Variants in PAPLN observed in about 807,000 individuals in gnomAD.
PAPLN encodes the protein papilin, proteoglycan like sulfated glycoprotein, also known as papilin.
PAPLN carries 146 observed loss-of-function variants against 159.0 expected under a neutral mutation model. The observed-to-expected ratio is 0.92, with a 90% CI of 0.80 to 1.05. PAPLN has a LOEUF of 1.05. Among genes scored for constraint, PAPLN ranks in the 50% least tolerant of loss-of-function variants. The pLI is 0.00. For missense variants in PAPLN, 1,720 were observed against 1,743.9 expected, an observed-to-expected ratio of 0.99 and a Z score of 0.24; for synonymous variants, 734 against 702.9, an observed-to-expected ratio of 1.04 and a Z score of -0.70.
Position 73,264,624 on chromosome 14 carries a change from G to C in PAPLN, c.3023G>C (p.Ser1008Thr). The C allele has an allele frequency of 6.2e-7, 1 of 1,603,786 alleles. No homozygotes were observed. The highest frequency in any genetic ancestry group is 8.5e-7 in the Non-Finnish European group (1 of 1,177,460). ...DMAVLSEAEL[S>T]RFPQPRDPAQ... is the part of the protein sequence containing the mutation. The stretch of plus-strand genomic sequence containing the variant: ...GCCGTGCTGTCTGAGGCTGAGCTGA[G>C]CCGCTTCCCTCAGCCCAGGGACCCA... The change falls in exon 22 of 27, where the codon AGC (serine) becomes ACC (threonine). Residue 1008 changes from serine (S) to threonine (T), a missense_variant. Physicochemically the swap from Ser to Thr is moderately conservative, Grantham distance 58. Transcript: ENST00000644200.
At chr14:73,267,995 G>T (rs1033489390) in intron 25 of PAPLN, among the ~76,000 whole-genome samples, 1 of 152,050 alleles carries the variant, frequency 6.6e-6, no homozygotes, top group Middle Eastern at 3.4e-3. Flanking sequence ...CCTGTTCCAG[G>T]ACACTGTCCT....
Position 73,239,786 on chromosome 14 carries a change from T to C in PAPLN, c.8T>C (p.Leu3Pro), listed in dbSNP as rs1442344704. The C allele has an allele frequency of 1.3e-6, 2 of 1,593,600 alleles. No homozygotes were observed. The highest frequency in any genetic ancestry group is 2.7e-5 in the African/African-American group (2 of 74,728). MR[L>P]LLLVPLLLAP... is the part of the protein sequence containing the mutation. ...CGTCTCCCGCAGGCTGAGATGCGGC[T>C]GCTCCTGCTCGTGCCGCTGCTGCTG... Residue 3 changes from leucine to proline, a missense_variant, in exon 2 of 27, where the codon CTG becomes CCG. Leu to Pro is a moderately conservative substitution (Grantham distance 98, BLOSUM62 -3). Transcript: ENST00000644200.
chr14:73,271,846 A>C (rs1887759862), intron 26 of PAPLN, among the ~76,000 whole-genome samples: 1 of 144,214 alleles, frequency 6.9e-6, no homozygotes, highest in African/African-American at 2.6e-5. Context: ...TTCCTAGTAA[A>C]TTCAGAGGGA....
rs1456849860 is a variant in PAPLN, at chr14:73,252,783, C to G, written c.1094+8C>G. 6.2e-7 allele frequency: 1 copy of G among 1,613,020 alleles called. No individual in the cohort carries two copies. The highest frequency in any genetic ancestry group is 8.5e-7 in the Non-Finnish European group (1 of 1,179,886). On this transcript the variant is annotated splice_region_variant and intron_variant, in intron 11 of 26. Coordinates refer to ENST00000644200, the MANE Select transcript of PAPLN (RefSeq NM_001365906.3). ...TTGCCCGGAGACCAAGCGGTGAGAC[C>G]TTGCCAGCCCCTCTACCCATGATGA...
At chr14:73,248,855 G>A (rs1337041800) in intron 5 of PAPLN, among the ~76,000 whole-genome samples, 1 of 152,054 alleles carries the variant, frequency 6.6e-6, no homozygotes, top group Non-Finnish European at 1.5e-5. Context: ...ACCAGGCCAG[G>A]TACAGTGGCT....
intron 7 of PAPLN, 138 bp from the exon 8 acceptor site, chr14:73,251,348 C>T (rs934753649): frequency 2.9e-6 from 3 of 1,020,306 alleles, no homozygotes; most frequent in South Asian, 1.6e-5. Context: ...GGTTGCCTTT[C>T]CCAGCAGCTC....
At chr14:73,268,763 C>T in intron 26 of PAPLN, 40 bp downstream of exon 26, 1 of 1,546,946 alleles carries the variant, frequency 6.5e-7, no homozygotes, top group Non-Finnish European at 8.7e-7. Context: ...AGGACATTCC[C>T]CAGTAGATTT....
rs553190273 is a variant in PAPLN, at chr14:73,237,532, G to C, written c.-67G>C. 6.6e-6 allele frequency: 1 copy of C among 152,332 alleles called. No individual in the cohort carries two copies. The highest frequency in any genetic ancestry group is 1.5e-5 in the Non-Finnish European group (1 of 68,128). The allele number at this position is 152,332 out of a possible 1,614,324, so 9.4% of individuals were successfully genotyped here. A position where few individuals can be genotyped will look rare whatever the true frequency, so the allele number is the denominator to read the frequency against. ...CGGCCCGGCCGACCTCGCGGGCTTG[G>C]GCCTGGGCGGGCACCGACGGAGCGG... On this transcript the variant is annotated 5_prime_UTR_variant, in exon 1 of 27. Transcript: ENST00000644200.
At position 73,264,784 on chromosome 14, in the gene PAPLN, C is replaced by T; in HGVS notation, c.3125+58C>T. ...CCACGCCAGGGCCAGGGCCGGGGGT[C>T]TCAGTGGATAAGGAGGGGAACGTCT... On this transcript the variant is annotated intron_variant, in intron 22 of 26. Transcript: ENST00000644200. 1.9e-6 allele frequency: 3 copies of T among 1,603,974 alleles called. No individual in the cohort carries two copies. The South Asian group carries it at 3.3e-5, about 18-fold the overall frequency.
rs139197783 is a variant in PAPLN at position 73,254,891 on chromosome 14, C to T, written c.1500C>T (p.Cys500=). ...VGTWGLCSKS[C]SSGTRRRQVI... ...GTGGGCCTCAGTGCTCCAAGAGCTG[C>T]AGCTCGGGCACTCGGAGGCGACAGG... The change falls in exon 14 of 27, where the codon TGC becomes TGT. Residue 500 remains cysteine (C), a synonymous_variant. Transcript: ENST00000644200. 91 of 1,612,054 alleles carry T rather than the reference C, an allele frequency of 5.6e-5. No homozygotes were observed. In the Admixed American group the frequency reaches 5.7e-4, roughly 10 times the overall value.
intron 19 of PAPLN, chr14:73,263,258 A>G (rs1886784992): frequency 2.8e-6 from 1 of 352,632 alleles, no homozygotes; most frequent in Non-Finnish European, 5.2e-6. Context: ...GGACTGGATC[A>G]TATTAATGAA....
At chr14:73,249,026 G>A (rs1346412375) in intron 5 of PAPLN, among the ~76,000 whole-genome samples, 1 of 152,044 alleles carries the variant, frequency 6.6e-6, no homozygotes, top group Non-Finnish European at 1.5e-5. Flanking sequence ...AACTATTCGA[G>A]AGACTGAGGC....
In PAPLN at chr14:73,245,834, G is replaced by A. The variant is rs1011979007; in HGVS notation, c.231+138G>A. 2.5e-6 allele frequency: 3 copies of A among 1,185,380 alleles called. No homozygotes were observed. The highest frequency in any genetic ancestry group is 3.5e-6 in the Non-Finnish European group (3 of 852,976). The allele number at this position is 1,185,380 out of a possible 1,614,324, so 73.4% of individuals were successfully genotyped here. A position where few individuals can be genotyped will look rare whatever the true frequency, so the allele number is the denominator to read the frequency against. Reference sequence around the variant, plus strand: ...GGTCCTCCCGCCAATCCACAGCAGGGCTGCGTGGGGGCCCCTTCCTCACCC... The same window carrying A: ...GGTCCTCCCGCCAATCCACAGCAGGACTGCGTGGGGGCCCCTTCCTCACCC... On this transcript the variant is annotated intron_variant, in intron 4 of 26. Transcript: ENST00000644200. This position sits in a 1 kb window ranked among gnomAD's most constrained non-coding sequence, Gnocchi z 4.2.
Position 73,262,769 on chromosome 14 carries a change from C to A in PAPLN, c.2665C>A (p.Pro889Thr). 4 of 1,508,674 alleles carry A rather than the reference C, an allele frequency of 2.7e-6. No individual in the cohort carries two copies. The South Asian group carries it at 4.2e-5, about 16-fold the overall frequency. The allele number at this position is 1,508,674 out of a possible 1,614,324, so 93.5% of individuals were successfully genotyped here. A position where few individuals can be genotyped will look rare whatever the true frequency, so the allele number is the denominator to read the frequency against. ...GGGGCAGGAGCTTGGGTCCAGGGCC[C>A]CTGGACTGGGTGGAGATGCCGGATC... ...PWGQELGSRA[P>T]GLGGDAGSPA... is the part of the protein sequence containing the mutation. Residue 889 changes from proline (P) to threonine (T), a missense_variant, in exon 19 of 27, where the codon CCT (proline) becomes ACT (threonine). Physicochemically the swap from Pro to Thr is conservative, Grantham distance 38. Transcript: ENST00000644200.
rs545240302 is a variant in PAPLN, at chr14:73,245,045, G to C, written c.170+286G>C. ...ATGGCAGGTGCAGTCAATTTTGCTG[G>C]AACTGGTAAATAATCTTCAACCGGC... On this transcript the variant is annotated intron_variant, in intron 3 of 26. Coordinates refer to ENST00000644200, the MANE Select transcript of PAPLN (RefSeq NM_001365906.3). The surrounding 1 kb of genome is among the most constrained non-coding windows in gnomAD (Gnocchi z 4.2). 5.0e-5 allele frequency: 15 copies of C among 301,576 alleles called. No homozygotes were observed. The South Asian group carries it at 9.5e-4, about 19-fold the overall frequency. 18.7% of individuals were successfully genotyped at this position (301,576 alleles called of 1,614,324 possible).
At chr14:73,256,308 A>C (rs1413123346) in intron 14 of PAPLN, among the ~76,000 whole-genome samples, 1 of 151,270 alleles carries the variant, frequency 6.6e-6, no homozygotes, top group African/African-American at 2.4e-5. Context: ...AGGTGGGAGG[A>C]CCACTTGAAA....
At position 73,272,582 on chromosome 14, in the gene PAPLN, T is replaced by G. The variant is rs1309627842; in HGVS notation, c.3755T>G (p.Leu1252Arg). 3 of 1,605,186 alleles carry G rather than the reference T, an allele frequency of 1.9e-6. 1 individual carries two copies. Among genetic ancestry groups the G allele is most frequent in the Non-Finnish European group, 2.6e-6 (3 of 1,172,526 alleles). The stretch of plus-strand genomic sequence containing the variant: ...TGTGATTTGATCCTGCAGGCCCAGC[T>G]TTGTGGCAATGAGTATTACTCCAGC... ...ANCDLILQAQ[L>R]CGNEYYSSFC... Residue 1252 changes from leucine (L) to arginine (R), a missense_variant, in exon 27 of 27, where the codon CTT becomes CGT. Physicochemically the swap from Leu to Arg is moderately radical, Grantham distance 102 (BLOSUM62 -2). Transcript: ENST00000644200.
At position 73,254,941 on chromosome 14, in the gene PAPLN, G is replaced by C; in HGVS notation, c.1550G>C (p.Ser517Thr). Residue 517 changes from serine to threonine, a missense_variant, in exon 14 of 27, where the codon AGC becomes ACC. Physicochemically the swap from Ser to Thr is moderately conservative, Grantham distance 58 (BLOSUM62 1). Coordinates refer to ENST00000644200, the MANE Select transcript of PAPLN (RefSeq NM_001365906.3). ...RQVICAIGPP[S>T]HCGSLQHSKP... The stretch of plus-strand genomic sequence containing the variant: ...GTCATCTGTGCCATTGGGCCGCCCA[G>C]CCACTGCGGGAGCCTGCAGCACTCC... 1.2e-6 allele frequency: 2 copies of C among 1,613,584 alleles called. No individual in the cohort carries two copies. Among genetic ancestry groups the C allele is most frequent in the Non-Finnish European group, 1.7e-6 (2 of 1,179,986 alleles).
chr14:73,247,657 TGTGTGC>T (rs1379280168), intron 5 of PAPLN, among the ~76,000 whole-genome samples: 4 of 128,746 alleles, frequency 3.1e-5, no homozygotes, highest in East Asian at 2.3e-4. Flanking sequence ...ATCCTGTGTG[TGTGTGC>T]GTGTGTGTGT....
Sources: allele counts gnomAD v4.1 joint callset (sites outside exome capture counted in the v4.1 genomes callset), GRCh38; gene constraint gnomAD v4.1.1; non-coding constraint Gnocchi (gnomAD v3.1); transcripts MANE v1.5; gene names NCBI Gene and HGNC (gene_info 2026-07-23, HGNC 2026-07-21).